The following PLXNA4 variants were observed in gnomAD, a reference collection of about 807,000 sequenced individuals.
The protein encoded by PLXNA4 is plexin A4.
Under a neutral mutation model 191.8 loss-of-function variants are expected in PLXNA4, and 44 were observed. That is an observed-to-expected ratio of 0.23 (90% CI 0.18 to 0.29). PLXNA4 has a LOEUF of 0.29. PLXNA4 is among the 10% of genes least tolerant of loss of function. The probability of loss-of-function intolerance (pLI) is 1.00; values close to 1 mark genes in which losing one functional copy is unlikely to be tolerated. For synonymous variants in PLXNA4, 1,082 were observed against 1,009.5 expected, an observed-to-expected ratio of 1.07 and a Z score of -1.36; for missense variants, 1,800 against 2,488.8, an observed-to-expected ratio of 0.72 and a Z score of 5.89.
chr7:132,254,917 G>T (rs1799381632), intron 4 of PLXNA4, among the ~76,000 whole-genome samples: 1 of 152,208 alleles, frequency 6.6e-6, no homozygotes, highest in East Asian at 1.9e-4. Context: ...AGTGAGCTCA[G>T]AAATAATTGC....
intron 3 of PLXNA4, among the ~76,000 whole-genome samples, chr7:132,311,319 C>CTCCTGTGGGCTCCAGCGGCACT (rs1210986159): frequency 1.3e-5 from 2 of 152,106 alleles, no homozygotes; most frequent in Non-Finnish European, 2.9e-5. Flanking sequence ...GATTCGGTGC[C>CTCCTGTGGGCTCCAGCGGCACT]TCCTGTGGGC....
chr7:132,427,388 C>T (rs1216422319), intron 3 of PLXNA4, among the ~76,000 whole-genome samples: 1 of 152,128 alleles, frequency 6.6e-6, no homozygotes, highest in Admixed American at 6.6e-5. Flanking sequence ...CATCAGAGCC[C>T]CTCACACTCT....
intron 3 of PLXNA4, among the ~76,000 whole-genome samples, chr7:132,403,441 AG>A: frequency 6.6e-6 from 1 of 152,254 alleles, no homozygotes; most frequent in East Asian, 1.9e-4. Flanking sequence ...AGGTAACGGG[AG>A]GGGGCCCTAA....
chr7:132,204,675 G>A (rs1584840738), intron 10 of PLXNA4, among the ~76,000 whole-genome samples: 2 of 152,198 alleles, frequency 1.3e-5, no homozygotes, highest in African/African-American at 4.8e-5. Context: ...TTCATGGACA[G>A]GGAGGGTGGC....
At chr7:132,307,641 G>A (rs985151804) in intron 3 of PLXNA4, among the ~76,000 whole-genome samples, 7 of 152,070 alleles carry the variant, frequency 4.6e-5, no homozygotes, top group Admixed American at 3.3e-4. Context: ...CCAGGCCCGC[G>A]TGGCCGGTAG....
At chr7:132,627,278 A>G (rs1420023587) in intron 2 of PLXNA4, among the ~76,000 whole-genome samples, 1 of 152,164 alleles carries the variant, frequency 6.6e-6, no homozygotes, top group African/African-American at 2.4e-5. Flanking sequence ...GATACCTGTC[A>G]ACTTCCTATT....
At chr7:132,362,635 G>A (rs1803993166) in intron 3 of PLXNA4, among the ~76,000 whole-genome samples, 2 of 152,162 alleles carry the variant, frequency 1.3e-5, no homozygotes, top group African/African-American at 4.8e-5. Flanking sequence ...TCTGCCATAA[G>A]GGTTAGAAGA....
chr7:132,165,404 A>G (rs1277403296), intron 22 of PLXNA4, among the ~76,000 whole-genome samples: 1 of 152,222 alleles, frequency 6.6e-6, no homozygotes, highest in Non-Finnish European at 1.5e-5. Flanking sequence ...AGCTTTTCCT[A>G]CAAAGCTGGA....
intron 1 of PLXNA4, among the ~76,000 whole-genome samples, chr7:132,573,942 A>T (rs1455470738): frequency 1.3e-5 from 2 of 152,190 alleles, no homozygotes; most frequent in African/African-American, 4.8e-5. Flanking sequence ...CTTAAAAGGA[A>T]GGGCACAGAA....
At chr7:132,292,263 A>G (rs963921354) in intron 4 of PLXNA4, among the ~76,000 whole-genome samples, 2 of 152,164 alleles carry the variant, frequency 1.3e-5, no homozygotes, top group African/African-American at 4.8e-5. Context: ...CCAGTGTGGT[A>G]TCAGGTAAAT....
chr7:132,145,375 G>A, intron 28 of PLXNA4, 87 bp from the exon 29 acceptor site: 6 of 1,578,876 alleles, frequency 3.8e-6, no homozygotes, highest in Non-Finnish European at 5.2e-6. Flanking sequence ...ACCTAGGCAG[G>A]GGAGGATGGT....
At chr7:132,497,122 G>GCACT (rs1798054010) in intron 2 of PLXNA4, among the ~76,000 whole-genome samples, 1 of 150,186 alleles carries the variant, frequency 6.7e-6, no homozygotes, top group African/African-American at 2.4e-5. Flanking sequence ...GTGCACGCAC[G>GCACT]CACACACACA....
At chr7:132,494,357 T>C (rs1254124110) in intron 2 of PLXNA4, among the ~76,000 whole-genome samples, 4 of 151,230 alleles carry the variant, frequency 2.6e-5, no homozygotes, top group Non-Finnish European at 5.9e-5. Context: ...TAAAAAGTCT[T>C]GGGTGGGGGC....
chr7:132,245,445 T>C (rs1799017731), intron 4 of PLXNA4, among the ~76,000 whole-genome samples: 1 of 152,216 alleles, frequency 6.6e-6, no homozygotes, highest in African/African-American at 2.4e-5. Context: ...AAGGATTGTG[T>C]GCAGGGTTAG....
intron 10 of PLXNA4, among the ~76,000 whole-genome samples, chr7:132,208,173 G>C (rs1041960786): frequency 5.3e-5 from 8 of 152,308 alleles, no homozygotes; most frequent in African/African-American, 1.9e-4. Flanking sequence ...ATTTAAACTG[G>C]GATTCCACTG....
chr7:132,212,685 A>C (rs1440012289), intron 9 of PLXNA4, among the ~76,000 whole-genome samples: 1 of 152,132 alleles, frequency 6.6e-6, no homozygotes, highest in Non-Finnish European at 1.5e-5. Flanking sequence ...TGGAAGCAAG[A>C]AAGGGAGAGA....
rs114146297 is a variant in PLXNA4 at position 132,543,365 on chromosome 7, C to T, written c.-87+33057G>A. Among the ~76,000 whole-genome samples the T allele has an allele frequency of 6.9e-3, 1,054 of 152,306 alleles. 13 individuals are homozygous for T. Among genetic ancestry groups the T allele is most frequent in the African/African-American group, 0.024 (1,000 of 41,554 alleles). ...CTGTCAAATGCATTGCTTAGACCCT[C>T]GGCTGCCTCTTTAGAAGCCAGCAAA... On this transcript the variant is annotated intron_variant, in intron 1 of 31. Transcript: ENST00000321063.
intron 3 of PLXNA4, among the ~76,000 whole-genome samples, chr7:132,440,577 T>C (rs1795660878): frequency 6.6e-6 from 1 of 152,212 alleles, no homozygotes; most frequent in Non-Finnish European, 1.5e-5. Context: ...AGGGTGTGTG[T>C]TCATAATTCT....
intron 3 of PLXNA4, among the ~76,000 whole-genome samples, chr7:132,378,568 A>G (rs116687353): frequency 0.015 from 2,303 of 152,260 alleles, 56 homozygotes; most frequent in African/African-American, 0.052. Flanking sequence ...CCTAAAAACT[A>G]CCAGACATTC....
Sources: gnomAD v4.1 joint callset for allele counts (sites outside exome capture counted in the v4.1 genomes callset) on GRCh38, gnomAD v4.1.1 for gene constraint, MANE v1.5 for transcripts, NCBI Gene and HGNC (gene_info 2026-07-23, HGNC 2026-07-21) for gene names.